Variants in MTMR8 observed in about 807,000 individuals in gnomAD.
The protein encoded by MTMR8 is myotubularin related protein 8.
MTMR8 carries 65 observed loss-of-function variants against 39.3 expected under a neutral mutation model. The ratio of observed to expected loss-of-function variants is 1.65; its 90% CI spans 1.35 to 2.03. The LOEUF is 2.03. Among genes scored for constraint, MTMR8 ranks in the 30% most tolerant of loss-of-function variants. MTMR8 has a pLI of 0.00. For synonymous variants in MTMR8, 245 were observed against 185.2 expected (o/e 1.32, Z -2.62); for missense variants, 777 against 538.9 (o/e 1.44, Z -4.37).
At chrX:64,284,528 T>A (rs1921079997) in intron 12 of MTMR8, among the ~76,000 whole-genome samples, 1 of 111,479 alleles carries the variant, frequency 9.0e-6, no homozygotes, top group Non-Finnish European at 1.9e-5. Flanking sequence ...ATTGTCAGAT[T>A]CATCAAAGTT....
At chrX:64,350,892 C>T (rs1190713973) in intron 4 of MTMR8, among the ~76,000 whole-genome samples, 1 of 111,502 alleles carries the variant, frequency 9.0e-6, no homozygotes, top group East Asian at 2.8e-4. Context: ...AATCACTCCC[C>T]TAACTAAAGA....
intron 1 of MTMR8, among the ~76,000 whole-genome samples, chrX:64,390,221 C>A (rs1182428159): frequency 8.9e-6 from 1 of 112,022 alleles, no homozygotes; most frequent in Admixed American, 9.5e-5. Flanking sequence ...AACATTTGGC[C>A]TTAGTTTCCT....
chrX:64,333,233 A>G (rs1922987928), intron 10 of MTMR8, among the ~76,000 whole-genome samples: 2 of 111,834 alleles, frequency 1.8e-5, no homozygotes, highest in Non-Finnish European at 3.8e-5. Flanking sequence ...ATCTTTGTGT[A>G]GGTCCTTAAC....
intron 12 of MTMR8, among the ~76,000 whole-genome samples, chrX:64,304,064 C>G (rs1351824049): frequency 8.9e-6 from 1 of 112,119 alleles, no homozygotes; most frequent in Non-Finnish European, 1.9e-5. Flanking sequence ...GAAAGACATT[C>G]ATAGCATCAA....
intron 9 of MTMR8, among the ~76,000 whole-genome samples, chrX:64,337,058 C>T (rs1436862849): frequency 2.7e-5 from 3 of 111,540 alleles, no homozygotes; most frequent in African/African-American, 9.8e-5. Context: ...TATAACTTAC[C>T]TTCTGATAGG....
intron 13 of MTMR8, among the ~76,000 whole-genome samples, chrX:64,269,950 A>T (rs1399071470): frequency 1.8e-5 from 2 of 111,522 alleles, no homozygotes; most frequent in Non-Finnish European, 3.8e-5. Context: ...AATGAATCTG[A>T]TTCTCTCTCA....
At chrX:64,285,931 C>T (rs989344129) in intron 12 of MTMR8, among the ~76,000 whole-genome samples, 6 of 111,195 alleles carry the variant, frequency 5.4e-5, no homozygotes, top group Non-Finnish European at 1.1e-4. Context: ...GAAACAAGAA[C>T]AAACACATTC....
intron 6 of MTMR8, among the ~76,000 whole-genome samples, chrX:64,348,038 T>C: frequency 8.9e-6 from 1 of 111,838 alleles, no homozygotes. Flanking sequence ...CCACGGCAAA[T>C]TTATGAACTT....
intron 1 of MTMR8, among the ~76,000 whole-genome samples, chrX:64,361,664 A>G (rs1436450786): frequency 9.0e-6 from 1 of 111,567 alleles, no homozygotes. Flanking sequence ...TAAACAAGGA[A>G]TAAAAGTAAA....
chrX:64,285,341 T>C (rs774843615), intron 12 of MTMR8, among the ~76,000 whole-genome samples: 88 of 111,112 alleles, frequency 7.9e-4, no homozygotes, highest in African/African-American at 2.8e-3. Flanking sequence ...TAGAGACCTA[T>C]AAAGAGACTT....
intron 12 of MTMR8, among the ~76,000 whole-genome samples, chrX:64,298,370 T>A (rs1342551714): frequency 1.1e-5 from 1 of 92,037 alleles, no homozygotes; most frequent in Non-Finnish European, 2.1e-5. Flanking sequence ...CACTCATGAT[T>A]TGGCTCTCTG....
intron 13 of MTMR8, 117 bp downstream of exon 13, chrX:64,270,830 C>T: frequency 1.2e-6 from 1 of 816,110 alleles, no homozygotes; most frequent in Non-Finnish European, 1.7e-6. Flanking sequence ...ACATGAAAAG[C>T]CAAAGAGTAT....
chrX:64,324,249 C>T (rs1569220626), intron 12 of MTMR8, among the ~76,000 whole-genome samples: 2 of 111,151 alleles, frequency 1.8e-5, no homozygotes, highest in African/African-American at 6.6e-5. Context: ...GTAGTCCTAG[C>T]CACTTGGGAG....
intron 12 of MTMR8, among the ~76,000 whole-genome samples, chrX:64,313,978 G>A (rs1267239950): frequency 8.9e-6 from 1 of 112,112 alleles, no homozygotes; most frequent in Non-Finnish European, 1.9e-5. Flanking sequence ...TGAGGACCTT[G>A]GGGTTTGATT....
chrX:64,269,379 T>G (rs1043758946), intron 13 of MTMR8, among the ~76,000 whole-genome samples: 3 of 111,807 alleles, frequency 2.7e-5, no homozygotes, highest in Non-Finnish European at 3.8e-5. Flanking sequence ...AGTATTTCCT[T>G]TTATCCTTAT....
chrX:64,296,169 T>C (rs767128436), intron 12 of MTMR8, among the ~76,000 whole-genome samples: 2 of 112,020 alleles, frequency 1.8e-5, no homozygotes, highest in African/African-American at 6.5e-5. Context: ...GGATGGACCC[T>C]GAAAACACTA....
intron 12 of MTMR8, among the ~76,000 whole-genome samples, chrX:64,275,628 C>G (rs1268614986): frequency 6.2e-5 from 6 of 96,515 alleles, no homozygotes; most frequent in East Asian, 3.1e-4. Flanking sequence ...TGCAGCCAGG[C>G]CAACAGAGTG....
intron 12 of MTMR8, among the ~76,000 whole-genome samples, chrX:64,300,438 C>T (rs1465198361): frequency 9.0e-6 from 1 of 111,074 alleles, no homozygotes; most frequent in African/African-American, 3.3e-5. Flanking sequence ...GGTAGAGCTT[C>T]CTCCATCCTT....
chrX:64,364,951 ACTT>A (rs1923904697), intron 1 of MTMR8, among the ~76,000 whole-genome samples: 1 of 111,749 alleles, frequency 8.9e-6, no homozygotes, highest in African/African-American at 3.3e-5. Context: ...TGGCACGAGA[ACTT>A]CATGATGCAT....
Sources: allele counts gnomAD v4.1 joint callset (sites outside exome capture counted in the v4.1 genomes callset), GRCh38; gene constraint gnomAD v4.1.1; transcripts MANE v1.5; gene names NCBI Gene and HGNC (gene_info 2026-07-23, HGNC 2026-07-21).